ATP10A: variants seen among roughly 807,000 people sequenced by gnomAD.
ATP10A encodes the protein ATPase phospholipid transporting 10A (putative), also known as phospholipid-transporting ATPase VA.
In ATP10A, 111 loss-of-function variants were observed where a neutral mutation model predicts 147.8. The ratio of observed to expected loss-of-function variants is 0.75; its 90% CI spans 0.64 to 0.88. The LOEUF (loss-of-function observed/expected upper bound fraction) is 0.88. ATP10A is among the 40% of genes least tolerant of loss of function. The probability of loss-of-function intolerance (pLI) is 0.00; values close to 1 mark genes in which losing one functional copy is unlikely to be tolerated. For missense variants in ATP10A, 1,927 were observed against 1,959.0 expected (o/e 0.98, Z 0.31); for synonymous variants, 875 against 841.6 (o/e 1.04, Z -0.69).
intron 1 of ATP10A, among the ~76,000 whole-genome samples, chr15:25,857,424 G>GAGTA (rs1436735725): frequency 6.6e-6 from 1 of 152,188 alleles, no homozygotes; most frequent in Non-Finnish European, 1.5e-5. Flanking sequence ...TCCAGCCTAG[G>GAGTA]CAACAGGGCA....
chr15:25,810,037 G>A (rs1198870701), intron 1 of ATP10A, among the ~76,000 whole-genome samples: 4 of 151,010 alleles, frequency 2.6e-5, no homozygotes, highest in South Asian at 4.2e-4. Flanking sequence ...ATGACGGAAC[G>A]TCCATAGTGG....
chr15:25,787,608 TCTTA>T (rs1344310141), intron 1 of ATP10A, among the ~76,000 whole-genome samples: 32 of 91,710 alleles, frequency 3.5e-4, no homozygotes, highest in African/African-American at 1.4e-3. Context: ...CAGGACTCCT[TCTTA>T]AAAAAAAAAA....
chr15:25,824,540 A>T (rs1476617561), intron 1 of ATP10A, among the ~76,000 whole-genome samples: 1 of 125,090 alleles, frequency 8.0e-6, no homozygotes, highest in Non-Finnish European at 1.6e-5. Flanking sequence ...CATTTTTAAC[A>T]TTCTCACTTT....
At position 25,713,892 on chromosome 15, in the gene ATP10A, G is replaced by A; in HGVS notation, c.2126C>T (p.Ala709Val). The A allele has an allele frequency of 6.2e-7, 1 of 1,613,548 alleles. No homozygotes were observed. The highest frequency in any genetic ancestry group is 8.5e-7 in the Non-Finnish European group (1 of 1,180,044). Residue 709 changes from alanine (A) to valine (V), a missense_variant, in exon 10 of 21, where the codon GCC (alanine) becomes GTC (valine). Ala to Val is a moderately conservative substitution (Grantham distance 64). Coordinates refer to ENST00000555815, the MANE Select transcript of ATP10A (RefSeq NM_024490.4). ...DEAALVYAARAYNCVLVERLH... is the reference protein window; with the variant it reads ...DEAALVYAARVYNCVLVERLH... Reference sequence around the variant, plus strand: ...CCGCTCCACAAGCACGCAGTTGTAGGCTCTGGCCGCATACACCAGTGCGGC... The same window carrying A: ...CCGCTCCACAAGCACGCAGTTGTAGACTCTGGCCGCATACACCAGTGCGGC...
At chr15:25,828,093 C>T (rs890297048) in intron 1 of ATP10A, among the ~76,000 whole-genome samples, 1 of 152,072 alleles carries the variant, frequency 6.6e-6, no homozygotes, top group Non-Finnish European at 1.5e-5. Context: ...GTCAATCCAT[C>T]AGAAGGCCAT....
chr15:25,714,110 C>A lies in ATP10A; in HGVS notation c.1908G>T (p.Lys636Asn), dbSNP rs1403795362. The A allele has an allele frequency of 2.5e-6, 4 of 1,613,426 alleles. No homozygotes were observed. Among genetic ancestry groups the A allele is most frequent in the Admixed American group, 1.7e-5 (1 of 60,030 alleles). ...GGGTGGACGGGAAGCTGGAGCCCAACTTGTGGCTGGACTTGTTGGCGGCCA... is the reference window on the plus strand; with the variant it reads ...GGGTGGACGGGAAGCTGGAGCCCAAATTGTGGCTGGACTTGTTGGCGGCCA... ...GSLAANKSSHKLGSSFPSTPS... is the reference protein window; with the variant it reads ...GSLAANKSSHNLGSSFPSTPS... Residue 636 changes from lysine (K) to asparagine (N), a missense_variant, in exon 10 of 21, where the codon AAG (lysine) becomes AAT (asparagine). Physicochemically the swap from Lys to Asn is moderately conservative, Grantham distance 94. Coordinates refer to ENST00000555815, the MANE Select transcript of ATP10A (RefSeq NM_024490.4).
chr15:25,754,949 C>G (rs1299043723), intron 2 of ATP10A, among the ~76,000 whole-genome samples: 1 of 152,108 alleles, frequency 6.6e-6, no homozygotes, highest in Non-Finnish European at 1.5e-5. Flanking sequence ...CCCAAATAGC[C>G]TTTTATAAAG....
chr15:25,718,469 T>G, intron 7 of ATP10A, 70 bp from the exon 8 acceptor site: 1 of 1,491,914 alleles, frequency 6.7e-7, no homozygotes, highest in Non-Finnish European at 9.0e-7. Context: ...AACCATTCAG[T>G]GTGTTTTAGG....
rs774582646 is a variant in ATP10A, at chr15:25,695,616, G to A, written c.2761-470C>T. ...TGCACTCCAGCCTAGGCGACAGAGC[G>A]AGACTCTGTCTCAAAAAAAAGAGAC... On this transcript the variant is annotated intron_variant, in intron 13 of 20. Coordinates refer to ENST00000555815, the MANE Select transcript of ATP10A (RefSeq NM_024490.4). Among the ~76,000 whole-genome samples the A allele has an allele frequency of 6.6e-5, 10 of 152,028 alleles. No homozygotes were observed. The South Asian group carries it at 1.2e-3, about 19-fold the overall frequency.
At chr15:25,683,547 A>C (rs773054211) in intron 16 of ATP10A, 61 bp from the exon 17 acceptor site, 107 of 1,486,876 alleles carry the variant, frequency 7.2e-5, no homozygotes, top group Non-Finnish European at 8.7e-5. Flanking sequence ...GAGGATTCTC[A>C]TCCGAGGGAG....
intron 2 of ATP10A, among the ~76,000 whole-genome samples, chr15:25,742,671 G>A (rs1887635555): frequency 6.6e-6 from 1 of 152,188 alleles, no homozygotes; most frequent in Non-Finnish European, 1.5e-5. Context: ...TGTCAGCAAA[G>A]CCTTGCTTTC....
intron 1 of ATP10A, among the ~76,000 whole-genome samples, chr15:25,809,263 G>A (rs929112041): frequency 2.0e-5 from 3 of 152,154 alleles, no homozygotes; most frequent in African/African-American, 7.2e-5. Context: ...AAGAGCCCAT[G>A]AGATGGGAGA....
At position 25,694,911 on chromosome 15, in the gene ATP10A, C is replaced by A. The variant is rs77410940; in HGVS notation, c.2996G>T (p.Arg999Leu). 3 of 1,614,158 alleles carry A rather than the reference C, an allele frequency of 1.9e-6. No homozygotes were observed. Among genetic ancestry groups the A allele is most frequent in the Non-Finnish European group, 2.5e-6 (3 of 1,180,028 alleles). Residue 999 changes from arginine to leucine, a missense_variant, in exon 14 of 21, where the codon CGC (arginine) becomes CTC (leucine). Transcript: ENST00000555815. Reference sequence around the variant, plus strand: ...CGTCGACCGACAGCAGAGGACGGAGCGGCACTGCTTGGCAAGGAAGAGGAA... The same window carrying A: ...CGTCGACCGACAGCAGAGGACGGAGAGGCACTGCTTGGCAAGGAAGAGGAA... ...DKFLFLAKQC[R>L]SVLCCRSTPL...
chr15:25,781,269 T>A lies in ATP10A; in HGVS notation c.450-46A>T, dbSNP rs368211584. 1.0e-5 allele frequency: 16 copies of A among 1,540,062 alleles called. No individual in the cohort carries two copies. In the Admixed American group the frequency reaches 2.9e-4, roughly 28 times the overall value. Reference sequence around the variant, plus strand: ...AACAAAACTCACGAGACATTGGTCGTGGCTGGATCTGGGTGATGGGCACGT... The same window carrying A: ...AACAAAACTCACGAGACATTGGTCGAGGCTGGATCTGGGTGATGGGCACGT... On this transcript the variant is annotated intron_variant, in intron 1 of 20. Coordinates refer to ENST00000555815, the MANE Select transcript of ATP10A (RefSeq NM_024490.4).
At chr15:25,746,586 G>A (rs1041399303) in intron 2 of ATP10A, among the ~76,000 whole-genome samples, 1 of 152,082 alleles carries the variant, frequency 6.6e-6, no homozygotes. Flanking sequence ...CATATTCTGT[G>A]CCATAAGCAA....
At chr15:25,731,377 A>C (rs1902976858) in intron 3 of ATP10A, among the ~76,000 whole-genome samples, 1 of 152,272 alleles carries the variant, frequency 6.6e-6, no homozygotes, top group Non-Finnish European at 1.5e-5. Context: ...AAGTATATAA[A>C]GCAAACATTG....
chr15:25,791,656 T>C (rs1255031998), intron 1 of ATP10A, among the ~76,000 whole-genome samples: 1 of 152,164 alleles, frequency 6.6e-6, no homozygotes, highest in Admixed American at 6.5e-5. Flanking sequence ...CAAAGCACTG[T>C]GATTACAGGT....
At chr15:25,827,768 A>T (rs1291624576) in intron 1 of ATP10A, among the ~76,000 whole-genome samples, 1 of 152,246 alleles carries the variant, frequency 6.6e-6, no homozygotes, top group Non-Finnish European at 1.5e-5. Flanking sequence ...GACTGCAAAT[A>T]GCAATATGGC....
At chr15:25,726,211 C>T in intron 4 of ATP10A, 129 bp from the exon 5 acceptor site, 2 of 1,066,192 alleles carry the variant, frequency 1.9e-6, no homozygotes, top group South Asian at 1.9e-5. Flanking sequence ...GTCAAAAAAG[C>T]AGGGTTTAAA....
Sources: gnomAD v4.1 joint callset for allele counts (sites outside exome capture counted in the v4.1 genomes callset) on GRCh38, gnomAD v4.1.1 for gene constraint, MANE v1.5 for transcripts, NCBI Gene and HGNC (gene_info 2026-07-23, HGNC 2026-07-21) for gene names.